The following CLSTN1 variants were observed in gnomAD, a reference collection of about 807,000 sequenced individuals.
The protein encoded by CLSTN1 is calsyntenin 1.
A neutral mutation model predicts 108.3 loss-of-function variants in CLSTN1; 28 were observed. That is an observed-to-expected ratio of 0.26 (90% CI 0.19 to 0.35). The LOEUF (loss-of-function observed/expected upper bound fraction) is 0.35. Ranked by LOEUF, CLSTN1 falls within the 10% of genes least tolerant of loss-of-function variation. The probability of loss-of-function intolerance (pLI) is 1.00; values close to 1 mark genes in which losing one functional copy is unlikely to be tolerated. For synonymous variants in CLSTN1, 524 were observed against 534.9 expected (o/e 0.98, Z 0.28); for missense variants, 1,157 against 1,302.6 (o/e 0.89, Z 1.72).
chr1:9,774,733 G>A (rs989706441), intron 1 of CLSTN1, among the ~76,000 whole-genome samples: 13 of 151,580 alleles, frequency 8.6e-5, no homozygotes, highest in Non-Finnish European at 2.9e-5. Context: ...AAGAATTCGG[G>A]GCAAGTCCAC....
At position 9,782,672 on chromosome 1, in the gene CLSTN1, C is replaced by G. The variant is rs541379652; in HGVS notation, c.92-9278G>C. Among the ~76,000 whole-genome samples, 6 of 152,286 alleles carry G rather than the reference C, an allele frequency of 3.9e-5. No individual in the cohort carries two copies. The East Asian group carries it at 1.2e-3, about 29-fold the overall frequency. Reference sequence around the variant, plus strand: ...ACTTTAGGATTAACATGAATATAAGCTATGCTGCCCCAGCACAACCCAACT... The same window carrying G: ...ACTTTAGGATTAACATGAATATAAGGTATGCTGCCCCAGCACAACCCAACT... On this transcript the variant is annotated intron_variant, in intron 1 of 18. Coordinates refer to ENST00000377298, the MANE Select transcript of CLSTN1 (RefSeq NM_001009566.3).
At chr1:9,751,102 G>T (rs1651538283) in intron 5 of CLSTN1, among the ~76,000 whole-genome samples, 4 of 151,926 alleles carry the variant, frequency 2.6e-5, no homozygotes, top group African/African-American at 9.7e-5. Flanking sequence ...AAAACTTAAT[G>T]GAGAACAGAA....
chr1:9,795,443 G>C (rs957400493), intron 1 of CLSTN1, among the ~76,000 whole-genome samples: 4 of 151,228 alleles, frequency 2.6e-5, no homozygotes, highest in Admixed American at 2.0e-4. Flanking sequence ...TGGGATTATA[G>C]GCATAAGCCA....
At chr1:9,800,699 C>T (rs1275971196) in intron 1 of CLSTN1, among the ~76,000 whole-genome samples, 1 of 149,872 alleles carries the variant, frequency 6.7e-6, no homozygotes, top group Non-Finnish European at 1.5e-5. Flanking sequence ...CACTGCACTC[C>T]AGCCTGGGCG....
In CLSTN1 at chr1:9,772,537, C is replaced by T. The variant is rs572955468; in HGVS notation, c.214+735G>A. Among the ~76,000 whole-genome samples the T allele has an allele frequency of 8.3e-4, 127 of 152,250 alleles. 1 individual carries two copies. Among genetic ancestry groups the T allele is most frequent in the African/African-American group, 3.0e-3 (124 of 41,540 alleles). On this transcript the variant is annotated intron_variant, in intron 2 of 18. Transcript: ENST00000377298. ...CTCTTAAAAATTAACTTTACAATGT[C>T]AACTCCAACTCTGAGGCAGAAAAAA...
At chr1:9,749,031 G>A (rs1480014140) in intron 7 of CLSTN1, among the ~76,000 whole-genome samples, 2 of 151,914 alleles carry the variant, frequency 1.3e-5, no homozygotes, top group African/African-American at 2.4e-5. Context: ...AGCCTCCCAA[G>A]TAACTGGAAC....
intron 2 of CLSTN1, among the ~76,000 whole-genome samples, chr1:9,762,207 A>C (rs1652107868): frequency 6.6e-6 from 1 of 152,268 alleles, no homozygotes; most frequent in Admixed American, 6.5e-5. Context: ...CACACCTGTA[A>C]TCCCAGCATT....
chr1:9,756,067 A>G (rs1032232174), intron 3 of CLSTN1, among the ~76,000 whole-genome samples: 1 of 152,218 alleles, frequency 6.6e-6, no homozygotes, highest in Admixed American at 6.5e-5. Context: ...TCACAACTTA[A>G]TTAGGAGTTA....
intron 1 of CLSTN1, among the ~76,000 whole-genome samples, chr1:9,812,332 T>C (rs996213914): frequency 1.3e-5 from 2 of 151,996 alleles, no homozygotes; most frequent in African/African-American, 2.4e-5. Context: ...TGAAGCCACT[T>C]AGAATAAAAG....
chr1:9,791,319 T>C (rs1022777426), intron 1 of CLSTN1, among the ~76,000 whole-genome samples: 3 of 151,422 alleles, frequency 2.0e-5, no homozygotes, highest in Non-Finnish European at 4.4e-5. Flanking sequence ...TTGCCCAGGC[T>C]GCAGCCTCCA....
At chr1:9,752,400 A>C (rs1651597398) in intron 4 of CLSTN1, among the ~76,000 whole-genome samples, 3 of 152,196 alleles carry the variant, frequency 2.0e-5, no homozygotes, top group South Asian at 4.1e-4. Flanking sequence ...TGACCTTTTC[A>C]AGGGAAACAA....
chr1:9,802,784 A>G (rs1654336963), intron 1 of CLSTN1, among the ~76,000 whole-genome samples: 1 of 151,688 alleles, frequency 6.6e-6, no homozygotes, highest in South Asian at 2.1e-4. Context: ...TTCCATTTCT[A>G]GAATTCTAGC....
In CLSTN1 at chr1:9,780,841, C is replaced by T. The variant is rs1432196453; in HGVS notation, c.92-7447G>A. 4 of 240,152 alleles carry T rather than the reference C, an allele frequency of 1.7e-5. No homozygotes were observed. The East Asian group carries it at 3.1e-4, about 18-fold the overall frequency. 14.9% of individuals were successfully genotyped at this position (240,152 alleles called of 1,614,324 possible). A position where few individuals can be genotyped will look rare whatever the true frequency, so the allele number is the denominator to read the frequency against. ...AAACTGCTTCTCCTGCCTCCCTTGG[C>T]CTCAGCCATGGCGAGTAGCCGTGGC... On this transcript the variant is annotated intron_variant, in intron 1 of 18. Coordinates refer to ENST00000377298, the MANE Select transcript of CLSTN1 (RefSeq NM_001009566.3).
chr1:9,730,401 A>T lies in CLSTN1; in HGVS notation c.*107T>A. 9.5e-7 allele frequency: 1 copy of T among 1,051,298 alleles called. No individual in the cohort carries two copies. The highest frequency in any genetic ancestry group is 1.8e-5 in the Admixed American group (1 of 56,954). The allele number at this position is 1,051,298 out of a possible 1,614,324, so 65.1% of individuals were successfully genotyped here. A position where few individuals can be genotyped will look rare whatever the true frequency, so the allele number is the denominator to read the frequency against. On this transcript the variant is annotated 3_prime_UTR_variant, in exon 19 of 19. Transcript: ENST00000377298. The surrounding 1 kb of genome is among the most constrained non-coding windows in gnomAD (Gnocchi z 5.6). ...ACGATCGTGGCGGGGAGGGGTCTGC[A>T]CACCTACTGGCCGAAATGACTTTGT... is the stretch of plus-strand genomic sequence containing the variant.
At chr1:9,810,431 A>G (rs1028970134) in intron 1 of CLSTN1, among the ~76,000 whole-genome samples, 3 of 150,388 alleles carry the variant, frequency 2.0e-5, no homozygotes, top group Non-Finnish European at 3.0e-5. Flanking sequence ...AGCCAAGATC[A>G]TGCCACTGCA....
rs1650965623 is a variant in CLSTN1 at position 9,741,173 on chromosome 1, C to G, written c.1440G>C (p.Glu480Asp). The G allele has an allele frequency of 6.2e-7, 1 of 1,613,972 alleles. No homozygotes were observed. The highest frequency in any genetic ancestry group is 1.7e-5 in the Admixed American group (1 of 59,986). The change falls in exon 10 of 19, where the codon GAG becomes GAC. Residue 480 changes from glutamate (E) to aspartate (D), a missense_variant. By Grantham distance (45) the Glu-to-Asp change is conservative. Coordinates refer to ENST00000377298, the MANE Select transcript of CLSTN1 (RefSeq NM_001009566.3). ...GGTAATCCTCAGTCACAGAGAAGGG[C>G]TCGTGGGACGTGCCATCCACATAGA... ...VTLYVDGTSHEPFSVTEDYPL... is the reference protein window; with the variant it reads ...VTLYVDGTSHDPFSVTEDYPL...
In CLSTN1 at chr1:9,755,329, C is replaced by T. The variant is rs1213992774; in HGVS notation, c.245-20G>A. On this transcript the variant is annotated intron_variant, in intron 3 of 18. Coordinates refer to ENST00000377298, the MANE Select transcript of CLSTN1 (RefSeq NM_001009566.3). ...TCTCACCTAGGGAGTCAAAGCAGAA[C>T]AGGTAAGAATTCCTACCACATAGAT... The T allele has an allele frequency of 6.3e-7, 1 of 1,591,832 alleles. No homozygotes were observed. The highest frequency in any genetic ancestry group is 8.6e-7 in the Non-Finnish European group (1 of 1,163,470).
intron 1 of CLSTN1, among the ~76,000 whole-genome samples, chr1:9,804,967 CA>C (rs1427357027): frequency 6.6e-6 from 1 of 151,926 alleles, no homozygotes; most frequent in Non-Finnish European, 1.5e-5. Flanking sequence ...ACTAAAAATA[CA>C]AAACTTAGCT....
At chr1:9,808,458 CG>C (rs1459406192) in intron 1 of CLSTN1, among the ~76,000 whole-genome samples, 1 of 152,114 alleles carries the variant, frequency 6.6e-6, no homozygotes, top group East Asian at 1.9e-4. Context: ...CAAATTTCCA[CG>C]GGGAAGATAC....
Sources: allele counts gnomAD v4.1 joint callset (sites outside exome capture counted in the v4.1 genomes callset), GRCh38; gene constraint gnomAD v4.1.1; non-coding constraint Gnocchi (gnomAD v3.1); transcripts MANE v1.5; gene names NCBI Gene and HGNC (gene_info 2026-07-23, HGNC 2026-07-21).